FSIP1: variants seen among roughly 807,000 people sequenced by gnomAD.
FSIP1 encodes the protein fibrous sheath interacting protein 1.
FSIP1 carries 65 observed loss-of-function variants against 60.9 expected under a neutral mutation model. That is an observed-to-expected ratio of 1.07 (90% confidence interval 0.87 to 1.31). The LOEUF (loss-of-function observed/expected upper bound fraction) is 1.31, where lower values mean the gene tolerates loss of function less well. Ranked by LOEUF, FSIP1 falls within the 40% of genes most tolerant of loss-of-function variation. The pLI, the probability that FSIP1 is intolerant of heterozygous loss-of-function variation, is 0.00. For missense variants in FSIP1, 675 were observed against 665.5 expected, an observed-to-expected ratio of 1.01 and a Z score of -0.16; for synonymous variants, 209 against 221.2, an observed-to-expected ratio of 0.94 and a Z score of 0.49.
intron 10 of FSIP1, among the ~76,000 whole-genome samples, chr15:39,704,005 T>A (rs531202618): frequency 6.6e-6 from 1 of 152,236 alleles, no homozygotes; most frequent in Non-Finnish European, 1.5e-5. Flanking sequence ...TGTAGAAATA[T>A]ATAATTCTGA....
intron 10 of FSIP1, among the ~76,000 whole-genome samples, chr15:39,680,204 C>T (rs1204466903): frequency 1.3e-5 from 2 of 152,104 alleles, no homozygotes; most frequent in Admixed American, 1.3e-4. Context: ...AAACATCTAG[C>T]AATCACTATC....
intron 10 of FSIP1, among the ~76,000 whole-genome samples, chr15:39,640,128 C>T (rs1040268704): frequency 5.3e-5 from 8 of 152,100 alleles, no homozygotes; most frequent in Admixed American, 5.2e-4. Context: ...CTAAAACACG[C>T]TTAGGACCCC....
At chr15:39,606,379 G>A (rs1890825500) in intron 11 of FSIP1, among the ~76,000 whole-genome samples, 1 of 152,196 alleles carries the variant, frequency 6.6e-6, no homozygotes, top group Non-Finnish European at 1.5e-5. Flanking sequence ...GGGATACACA[G>A]TGATATTTTA....
Position 39,770,602 on chromosome 15 carries a change from A to G in FSIP1, c.135T>C (p.Thr45=). ...STEPGSFKVD[T]ASNLNSGKED... ...CTTTACCAGAGTTCAAGTTGCTTGCAGTATCGACCTAAAAATAATTTCAAA... is the reference window on the plus strand; with the variant it reads ...CTTTACCAGAGTTCAAGTTGCTTGCGGTATCGACCTAAAAATAATTTCAAA... The change falls in exon 3 of 12, where the codon ACT becomes ACC. Residue 45 remains threonine, a synonymous_variant. Transcript: ENST00000350221. 1.3e-6 allele frequency: 2 copies of G among 1,500,522 alleles called. No homozygotes were observed. The highest frequency in any genetic ancestry group is 8.9e-7 in the Non-Finnish European group (1 of 1,125,766). The allele number at this position is 1,500,522 out of a possible 1,614,324, so 93.0% of individuals were successfully genotyped here. A position where few individuals can be genotyped will look rare whatever the true frequency, so the allele number is the denominator to read the frequency against.
chr15:39,720,808 A>G lies in FSIP1; in HGVS notation c.1050+5781T>C, dbSNP rs115323246. On this transcript the variant is annotated intron_variant, in intron 9 of 11. Transcript: ENST00000350221. The stretch of plus-strand genomic sequence containing the variant: ...TGATTTGTTGAGGGTTAGGAGATGG[A>G]TAAAGAAAAGTATGCACAGTTAAAC... 7.9e-3 allele frequency among the ~76,000 whole-genome samples: 1,211 copies of G among 152,340 alleles called. 23 individuals carry two copies. The highest frequency in any genetic ancestry group is 0.028 in the African/African-American group (1,152 of 41,570).
intron 10 of FSIP1, among the ~76,000 whole-genome samples, chr15:39,679,485 C>G (rs1894075705): frequency 6.6e-6 from 1 of 152,068 alleles, no homozygotes; most frequent in Non-Finnish European, 1.5e-5. Flanking sequence ...GCCTGTCATC[C>G]CAGCATTTTG....
Position 39,725,573 on chromosome 15 carries a change from T to G in FSIP1, c.1050+1016A>C, listed in dbSNP as rs1249212395. Among the ~76,000 whole-genome samples, 5 of 152,298 alleles carry G rather than the reference T, an allele frequency of 3.3e-5. No homozygotes were observed. The East Asian group carries it at 9.6e-4, about 29-fold the overall frequency. On this transcript the variant is annotated intron_variant, in intron 9 of 11. Coordinates refer to ENST00000350221, the MANE Select transcript of FSIP1 (RefSeq NM_152597.5). ...CTATAGGCTACTGATATTTAAATCT[T>G]TGGATGGTCCACAAAGATCATGGTC...
chr15:39,685,831 A>G (rs1894345737), intron 10 of FSIP1, among the ~76,000 whole-genome samples: 1 of 152,206 alleles, frequency 6.6e-6, no homozygotes, highest in African/African-American at 2.4e-5. Flanking sequence ...GCAGCTGGCC[A>G]TCACCCAGGC....
At chr15:39,736,813 G>A (rs1018459176) in intron 8 of FSIP1, among the ~76,000 whole-genome samples, 1 of 152,230 alleles carries the variant, frequency 6.6e-6, no homozygotes, top group Admixed American at 6.5e-5. Context: ...AAGCGAGGAT[G>A]TGGTCTCAGC....
chr15:39,631,322 CAT>C (rs142788288), intron 10 of FSIP1, among the ~76,000 whole-genome samples: 1,734 of 152,318 alleles, frequency 0.011, 40 homozygotes, highest in African/African-American at 0.039. Context: ...GCACTCCCCA[CAT>C]GACTTTGTAT....
chr15:39,692,953 G>A (rs187403263), intron 10 of FSIP1, among the ~76,000 whole-genome samples: 1 of 152,320 alleles, frequency 6.6e-6, no homozygotes, highest in Non-Finnish European at 1.5e-5. Flanking sequence ...AAGGCAGAAG[G>A]GGCTGAGTTG....
chr15:39,655,038 T>C (rs1893018216), intron 10 of FSIP1, among the ~76,000 whole-genome samples: 1 of 152,234 alleles, frequency 6.6e-6, no homozygotes, highest in African/African-American at 2.4e-5. Context: ...CATTCTCTAT[T>C]TCTCATCACT....
At chr15:39,672,326 C>T (rs982963999) in intron 10 of FSIP1, among the ~76,000 whole-genome samples, 1 of 152,192 alleles carries the variant, frequency 6.6e-6, no homozygotes, top group Non-Finnish European at 1.5e-5. Context: ...TGATTACTGT[C>T]GTCCTCAACA....
chr15:39,722,828 G>A (rs193022152), intron 9 of FSIP1, among the ~76,000 whole-genome samples: 19 of 152,062 alleles, frequency 1.2e-4, no homozygotes, highest in Non-Finnish European at 2.2e-4. Context: ...TTCTGGGGAC[G>A]GTGAGGTTGG....
At position 39,617,797 on chromosome 15, in the gene FSIP1, C is replaced by T; in HGVS notation, c.1637G>A (p.Ser546Asn). The T allele has an allele frequency of 6.2e-7, 1 of 1,614,130 alleles. No homozygotes were observed. Among genetic ancestry groups the T allele is most frequent in the Non-Finnish European group, 8.5e-7 (1 of 1,179,978 alleles). ...SFLDDPLYGI[S>N]VSLSSEDQHL... is the part of the protein sequence containing the mutation. The stretch of plus-strand genomic sequence containing the variant: ...TTGGTCTTCTGATGAAAGGCTCACA[C>T]TGATACCATACAGTGGATCATCTAA... Residue 546 changes from serine (S) to asparagine (N), a missense_variant, in exon 11 of 12, where the codon AGT (serine) becomes AAT (asparagine). Physicochemically the swap from Ser to Asn is conservative, Grantham distance 46. Transcript: ENST00000350221.
At chr15:39,726,895 A>T (rs1566903649) in intron 8 of FSIP1, 148 bp from the exon 9 acceptor site, 2 of 604,520 alleles carry the variant, frequency 3.3e-6, no homozygotes, top group Non-Finnish European at 5.8e-6. Flanking sequence ...CAGAATTAAC[A>T]TTGGGTTAGT....
chr15:39,739,429 T>C (rs532012638), intron 7 of FSIP1, among the ~76,000 whole-genome samples: 4 of 152,228 alleles, frequency 2.6e-5, no homozygotes, highest in Non-Finnish European at 5.9e-5. Context: ...GTGAAATAAA[T>C]GATAGATGCA....
intron 9 of FSIP1, among the ~76,000 whole-genome samples, chr15:39,714,410 G>A (rs1448611952): frequency 6.6e-6 from 1 of 150,912 alleles, no homozygotes; most frequent in Non-Finnish European, 1.5e-5. Context: ...ATAAGTGATG[G>A]GCAGTAATGA....
chr15:39,762,960 C>G (rs1897554189), intron 5 of FSIP1, among the ~76,000 whole-genome samples: 2 of 152,088 alleles, frequency 1.3e-5, no homozygotes. Flanking sequence ...TACAAAATAC[C>G]ATATACATAT....
Sources: gnomAD v4.1 joint callset for allele counts (sites outside exome capture counted in the v4.1 genomes callset) on GRCh38, gnomAD v4.1.1 for gene constraint, MANE v1.5 for transcripts, NCBI Gene and HGNC (gene_info 2026-07-23, HGNC 2026-07-21) for gene names.